The following AUTS2 variants were observed in gnomAD, a reference collection of about 807,000 sequenced individuals.
AUTS2 encodes the protein autism susceptibility gene 2 protein.
Under a neutral mutation model 112.4 loss-of-function variants are expected in AUTS2, and 17 were observed. The observed-to-expected ratio is 0.15, with a 90% CI of 0.10 to 0.23. The LOEUF is 0.23. Ranked by LOEUF, AUTS2 falls within the 10% of genes least tolerant of loss-of-function variation. The pLI is 1.00. For synonymous variants in AUTS2, 751 were observed against 702.7 expected (o/e 1.07, Z -1.09); for missense variants, 1,510 against 1,701.6 (o/e 0.89, Z 1.98).
chr7:69,870,725 C>G (rs1380268834), intron 1 of AUTS2, among the ~76,000 whole-genome samples: 1 of 151,606 alleles, frequency 6.6e-6, no homozygotes, highest in African/African-American at 2.4e-5. Flanking sequence ...AAGCATGGAG[C>G]CTGTTGTATA....
chr7:70,084,422 A>C (rs1584695550), intron 2 of AUTS2, among the ~76,000 whole-genome samples: 1 of 152,246 alleles, frequency 6.6e-6, no homozygotes, highest in East Asian at 1.9e-4. Context: ...TGGATAATGT[A>C]CTAGGTATAT....
chr7:70,693,692 G>T (rs1172244983), intron 5 of AUTS2, among the ~76,000 whole-genome samples: 1 of 152,260 alleles, frequency 6.6e-6, no homozygotes, highest in African/African-American at 2.4e-5. Context: ...CAACCGCCCA[G>T]AGAGCCTGCT....
At chr7:69,735,150 G>A (rs1333757689) in intron 1 of AUTS2, among the ~76,000 whole-genome samples, 3 of 152,148 alleles carry the variant, frequency 2.0e-5, no homozygotes, top group Non-Finnish European at 2.9e-5. Context: ...CTTAAACAGA[G>A]CGTTTTTTCA....
intron 5 of AUTS2, among the ~76,000 whole-genome samples, chr7:70,493,286 T>G (rs1798321572): frequency 1.3e-5 from 2 of 152,208 alleles, no homozygotes; most frequent in Admixed American, 1.3e-4. Context: ...TTGTCTTATC[T>G]GTCTCCAGCT....
chr7:69,844,922 T>G (rs1261443826), intron 1 of AUTS2, among the ~76,000 whole-genome samples: 1 of 152,206 alleles, frequency 6.6e-6, no homozygotes, highest in Non-Finnish European at 1.5e-5. Flanking sequence ...AATTCATTTT[T>G]CTGGTCCTGT....
chr7:70,439,797 G>A (rs1286738074), intron 5 of AUTS2, among the ~76,000 whole-genome samples: 1 of 152,108 alleles, frequency 6.6e-6, no homozygotes, highest in East Asian at 1.9e-4. Flanking sequence ...TCTTTCTCCA[G>A]TACTGGCAGC....
intron 4 of AUTS2, among the ~76,000 whole-genome samples, chr7:70,230,970 G>T (rs767633079): frequency 2.0e-5 from 3 of 152,212 alleles, no homozygotes; most frequent in Non-Finnish European, 4.4e-5. Flanking sequence ...AGGAAGCAGG[G>T]GTGGAACTAG....
chr7:69,688,551 A>G (rs908920016), intron 1 of AUTS2, among the ~76,000 whole-genome samples: 4 of 152,206 alleles, frequency 2.6e-5, no homozygotes, highest in Admixed American at 2.6e-4. Flanking sequence ...GTGATGTTCA[A>G]TACATACAAT....
intron 1 of AUTS2, among the ~76,000 whole-genome samples, chr7:69,855,482 C>A (rs191706695): frequency 6.6e-6 from 1 of 152,120 alleles, no homozygotes; most frequent in Non-Finnish European, 1.5e-5. Flanking sequence ...TTACTGTATC[C>A]TCTGGACTGC....
At chr7:70,035,325 G>A (rs761685453) in intron 2 of AUTS2, among the ~76,000 whole-genome samples, 1 of 152,168 alleles carries the variant, frequency 6.6e-6, no homozygotes, top group Non-Finnish European at 1.5e-5. Context: ...TCTGGAAAGG[G>A]GGGAAATAAT....
intron 2 of AUTS2, among the ~76,000 whole-genome samples, chr7:69,928,066 A>G (rs1219363626): frequency 2.0e-5 from 3 of 152,188 alleles, no homozygotes; most frequent in African/African-American, 7.2e-5. Context: ...TAGGGTGATC[A>G]AGGCAGAAAG....
intron 1 of AUTS2, among the ~76,000 whole-genome samples, chr7:69,764,146 G>A (rs533743474): frequency 1.3e-5 from 2 of 152,286 alleles, no homozygotes; most frequent in South Asian, 2.1e-4. Flanking sequence ...CTGTGGACTC[G>A]ATTCCATTCT....
intron 4 of AUTS2, among the ~76,000 whole-genome samples, chr7:70,226,138 T>C (rs1243534521): frequency 6.6e-6 from 1 of 152,174 alleles, no homozygotes; most frequent in African/African-American, 2.4e-5. Context: ...GCTTGTATGA[T>C]TATAAGCTAT....
chr7:70,435,969 CT>C (rs1028725499), intron 5 of AUTS2, 188 bp downstream of exon 5: 9 of 541,670 alleles, frequency 1.7e-5, no homozygotes, highest in African/African-American at 5.7e-5. Context: ...TCAGATCTAC[CT>C]TTTTTTCATT....
chr7:70,630,826 T>C (rs1471542178), intron 5 of AUTS2, among the ~76,000 whole-genome samples: 1 of 152,198 alleles, frequency 6.6e-6, no homozygotes, highest in Non-Finnish European at 1.5e-5. Flanking sequence ...ACCTTTATTT[T>C]ATGGCAAATG....
intron 5 of AUTS2, among the ~76,000 whole-genome samples, chr7:70,629,897 A>G (rs1805168196): frequency 6.6e-6 from 1 of 152,136 alleles, no homozygotes; most frequent in African/African-American, 2.4e-5. Context: ...TTAATGAAAT[A>G]TGGATTTATA....
chr7:69,976,789 T>A (rs983790980), intron 2 of AUTS2, among the ~76,000 whole-genome samples: 1 of 152,208 alleles, frequency 6.6e-6, no homozygotes, highest in Admixed American at 6.5e-5. Flanking sequence ...TAATCAGTTA[T>A]TTGTTTTTCA....
intron 2 of AUTS2, among the ~76,000 whole-genome samples, chr7:70,067,850 T>G (rs533499687): frequency 3.4e-5 from 5 of 148,554 alleles, no homozygotes; most frequent in African/African-American, 1.2e-4. Flanking sequence ...TGAGCACCTG[T>G]CTAAAAAAAA....
At chr7:70,057,700 G>T (rs764225397) in intron 2 of AUTS2, among the ~76,000 whole-genome samples, 5 of 152,132 alleles carry the variant, frequency 3.3e-5, no homozygotes, top group Non-Finnish European at 5.9e-5. Flanking sequence ...TAGACCCTCT[G>T]TTGTCCCTCT....
Sources: gnomAD v4.1 joint callset for allele counts (sites outside exome capture counted in the v4.1 genomes callset) on GRCh38, gnomAD v4.1.1 for gene constraint, MANE v1.5 for transcripts, NCBI Gene and HGNC (gene_info 2026-07-23, HGNC 2026-07-21) for gene names.